The following GLIS1 variants were observed in gnomAD, a reference collection of about 807,000 sequenced individuals.
The protein encoded by GLIS1 is GLIS family zinc finger 1, also known as zinc finger protein GLIS1.
Under a neutral mutation model 63.8 loss-of-function variants are expected in GLIS1, and 24 were observed. The observed-to-expected ratio is 0.38, with a 90% CI of 0.27 to 0.53. GLIS1 has a LOEUF of 0.53. Among genes scored for constraint, GLIS1 ranks in the 20% least tolerant of loss-of-function variants. GLIS1 has a pLI of 0.85. For synonymous variants in GLIS1, 450 were observed against 482.5 expected (o/e 0.93, Z 0.88); for missense variants, 1,036 against 1,074.1 (o/e 0.96, Z 0.50).
At chr1:53,524,234 C>T (rs1164370974) in intron 6 of GLIS1, among the ~76,000 whole-genome samples, 4 of 152,252 alleles carry the variant, frequency 2.6e-5, no homozygotes, top group Non-Finnish European at 1.5e-5. Flanking sequence ...GCCCACTCCG[C>T]GCTCACACCC....
At position 53,694,201 on chromosome 1, in the gene GLIS1, T is replaced by C. The variant is rs537103884; in HGVS notation, c.259+43605A>G. Among the ~76,000 whole-genome samples the C allele has an allele frequency of 3.3e-5, 5 of 150,482 alleles. No homozygotes were observed. In the South Asian group the frequency reaches 1.1e-3, roughly 32 times the overall value. ...GCCCTGAATGAGTTTGAAAGACCAA[T>C]GGGAGTTGGCCAAATGGAGGGGGTG... On this transcript the variant is annotated intron_variant, in intron 2 of 10. Coordinates refer to ENST00000628545, the MANE Select transcript of GLIS1 (RefSeq NM_001367484.1).
chr1:53,694,121 A>C (rs1349723258), intron 2 of GLIS1, among the ~76,000 whole-genome samples: 5 of 152,332 alleles, frequency 3.3e-5, no homozygotes, highest in Non-Finnish European at 4.4e-5. Context: ...TAGGGACTGC[A>C]GGGACCCAAA....
At chr1:53,583,976 G>C (rs1267688396) in intron 4 of GLIS1, among the ~76,000 whole-genome samples, 1 of 152,220 alleles carries the variant, frequency 6.6e-6, no homozygotes, top group Non-Finnish European at 1.5e-5. Context: ...CTGTGCCCCA[G>C]CACGACACAC....
chr1:53,533,913 A>C (rs1644556348), intron 4 of GLIS1, among the ~76,000 whole-genome samples: 1 of 152,036 alleles, frequency 6.6e-6, no homozygotes, highest in Non-Finnish European at 1.5e-5. Flanking sequence ...TATCTTCTTC[A>C]CTGCCCAGTA....
chr1:53,680,976 A>T (rs1417589314), intron 2 of GLIS1, among the ~76,000 whole-genome samples: 1 of 152,224 alleles, frequency 6.6e-6, no homozygotes, highest in African/African-American at 2.4e-5. Context: ...CCCTGAGCAG[A>T]CGCTGGCCAG....
chr1:53,650,481 A>G (rs1645893966), intron 2 of GLIS1, among the ~76,000 whole-genome samples: 1 of 151,406 alleles, frequency 6.6e-6, no homozygotes, highest in African/African-American at 2.4e-5. Flanking sequence ...TCTCAGCTAC[A>G]TGGGAAGCTA....
Position 53,728,065 on chromosome 1 carries a change from C to A in GLIS1, c.259+9741G>T, listed in dbSNP as rs192472429. Among the ~76,000 whole-genome samples the A allele has an allele frequency of 1.7e-4, 26 of 152,290 alleles. No homozygotes were observed. The South Asian group carries it at 3.7e-3, about 22-fold the overall frequency. ...AAACTTCCTGGACACTCACTTGGAG[C>A]CAGCCCTGTGCTGGCCATACGGGGT... On this transcript the variant is annotated intron_variant, in intron 2 of 10. Transcript: ENST00000628545.
At chr1:53,606,272 C>T (rs970483721) in intron 2 of GLIS1, among the ~76,000 whole-genome samples, 1 of 152,194 alleles carries the variant, frequency 6.6e-6, no homozygotes, top group African/African-American at 2.4e-5. Context: ...GCATCAGCCG[C>T]CATGGAAGAG....
intron 2 of GLIS1, among the ~76,000 whole-genome samples, chr1:53,674,302 A>G (rs1646188523): frequency 6.6e-6 from 1 of 152,206 alleles, no homozygotes; most frequent in Non-Finnish European, 1.5e-5. Flanking sequence ...TGGCATCAGC[A>G]TCGCCAAGAA....
intron 2 of GLIS1, among the ~76,000 whole-genome samples, chr1:53,723,316 A>T (rs1417300949): frequency 6.7e-6 from 1 of 150,230 alleles, no homozygotes; most frequent in Non-Finnish European, 1.5e-5. Flanking sequence ...GCTCACTGCA[A>T]CCTCTACCTC....
intron 2 of GLIS1, among the ~76,000 whole-genome samples, chr1:53,636,391 C>T (rs946900882): frequency 2.0e-5 from 3 of 151,838 alleles, no homozygotes; most frequent in Admixed American, 2.0e-4. Context: ...GATAAAAATT[C>T]GACATCCACT....
chr1:53,617,264 C>T (rs1245539814), intron 2 of GLIS1, among the ~76,000 whole-genome samples: 1 of 152,216 alleles, frequency 6.6e-6, no homozygotes, highest in African/African-American at 2.4e-5. Flanking sequence ...GGCCAACTCA[C>T]CACCAAGAGT....
At chr1:53,580,102 G>A (rs903523722) in intron 4 of GLIS1, among the ~76,000 whole-genome samples, 1 of 152,160 alleles carries the variant, frequency 6.6e-6, no homozygotes, top group African/African-American at 2.4e-5. Context: ...CAGAGCCTAG[G>A]CCTCTTGAGG....
rs376038782 is a variant in GLIS1 at position 53,514,713 on chromosome 1, C to T, written c.1795G>A (p.Val599Ile). Residue 599 changes from valine to isoleucine, a missense_variant, in exon 8 of 11, where the codon GTA becomes ATA. Around this residue, in one of 3 missense-constraint regions of GLIS1, gnomAD observed 400 missense variants for 400.9 expected, o/e 1.00. Transcript: ENST00000628545. ...TCCAGCGGGTGGTGCCTGGAAGGTA[C>T]GTCGTGCGCTGGGGGCAGGAGGCCC... ...ASGLLPPAHD[V>I]PSRHHPLDAT... is the part of the protein sequence containing the mutation. The T allele has an allele frequency of 6.8e-5, 109 of 1,613,190 alleles. No individual in the cohort carries two copies. The highest frequency in any genetic ancestry group is 8.7e-5 in the Non-Finnish European group (103 of 1,179,684).
chr1:53,565,732 A>G (rs760399337), intron 4 of GLIS1, among the ~76,000 whole-genome samples: 5 of 152,092 alleles, frequency 3.3e-5, no homozygotes, highest in Admixed American at 6.5e-5. Flanking sequence ...ATCTTTCCAC[A>G]AAGATAGTTT....
intron 5 of GLIS1, among the ~76,000 whole-genome samples, chr1:53,527,699 AGGGGCCTCTGG>A (rs1644485352): frequency 6.6e-6 from 1 of 152,230 alleles, no homozygotes; most frequent in African/African-American, 2.4e-5. Context: ...GCCTGACCCG[AGGGGCCTCTGG>A]GGGCAGGTGC....
intron 4 of GLIS1, among the ~76,000 whole-genome samples, chr1:53,575,517 G>C (rs72675195): frequency 0.15 from 22,820 of 152,086 alleles, 2,138 homozygotes; most frequent in Non-Finnish European, 0.22. Context: ...CCCCACACGG[G>C]GCCCTAGTGT....
intron 2 of GLIS1, among the ~76,000 whole-genome samples, chr1:53,672,145 G>C (rs534349215): frequency 1.3e-5 from 2 of 152,156 alleles, no homozygotes; most frequent in Non-Finnish European, 2.9e-5. Context: ...CCATTCTTCC[G>C]ATCCAGGTGC....
At chr1:53,567,421 G>A (rs1026864199) in intron 4 of GLIS1, among the ~76,000 whole-genome samples, 1 of 152,228 alleles carries the variant, frequency 6.6e-6, no homozygotes, top group African/African-American at 2.4e-5. Context: ...GGGAAGCAGA[G>A]CATAAAATGT....
Sources: gnomAD v4.1 joint callset for allele counts (sites outside exome capture counted in the v4.1 genomes callset) on GRCh38, gnomAD v4.1.1 for gene constraint, gnomAD v4.1.1 regional missense constraint, MANE v1.5 for transcripts, NCBI Gene and HGNC (gene_info 2026-07-23, HGNC 2026-07-21) for gene names.